EPS8L2: variants seen among roughly 807,000 people sequenced by gnomAD.
EPS8L2 encodes the protein epidermal growth factor receptor kinase substrate 8-like protein 2.
In EPS8L2, 81 loss-of-function variants were observed where a neutral mutation model predicts 99.4. The observed-to-expected ratio is 0.82, with a 90% CI of 0.68 to 0.98. The LOEUF (loss-of-function observed/expected upper bound fraction) is 0.98. Among genes scored for constraint, EPS8L2 ranks in the 50% least tolerant of loss-of-function variants. The pLI is 0.00. For missense variants in EPS8L2, 1,155 were observed against 968.8 expected, an observed-to-expected ratio of 1.19 and a Z score of -2.55; for synonymous variants, 509 against 407.3, an observed-to-expected ratio of 1.25 and a Z score of -3.01.
intron 20 of EPS8L2, 54 bp from the exon 21 acceptor site, chr11:726,847 G>A: frequency 6.3e-7 from 1 of 1,592,566 alleles, no homozygotes; most frequent in South Asian, 1.1e-5. Flanking sequence ...GGGGAGGCCG[G>A]CACCCAGACA....
intron 3 of EPS8L2, 129 bp from the exon 4 acceptor site, chr11:710,292 TG>T: frequency 1.2e-6 from 1 of 819,882 alleles, no homozygotes; most frequent in Non-Finnish European, 2.1e-6. Flanking sequence ...ACATCCTTCC[TG>T]GTGGCCAAGA....
Position 726,319 on chromosome 11 carries a change from T to G in EPS8L2, c.1769T>G (p.Met590Arg). The change falls in exon 19 of 21, where the codon ATG becomes AGG. Residue 590 changes from methionine to arginine, a missense_variant. Coordinates refer to ENST00000318562, the MANE Select transcript of EPS8L2 (RefSeq NM_022772.4). ...GCCCCCTCAGAGCTCATGCAGCACA[T>G]GGACGAGGTCAACGACGAGCTCATC... ...PGNKDELMQH[M>R]DEVNDELIRK... is the part of the protein sequence containing the mutation. 1.9e-6 allele frequency: 3 copies of G among 1,609,374 alleles called. No individual in the cohort carries two copies. The highest frequency in any genetic ancestry group is 2.5e-6 in the Non-Finnish European group (3 of 1,178,664).
rs573496202 is a variant in EPS8L2, at chr11:721,985, C to T, written c.978C>T (p.Asn326=). 17 of 1,606,176 alleles carry T rather than the reference C, an allele frequency of 1.1e-5. No homozygotes were observed. In the Admixed American group the frequency reaches 1.2e-4, roughly 11 times the overall value. Residue 326 remains asparagine, a synonymous_variant, in exon 11 of 21, where the codon AAC becomes AAT. Transcript: ENST00000318562. The part of the protein sequence containing the change: ...DCFQKIKLAI[N]LLAKLQKHIQ... The stretch of plus-strand genomic sequence containing the variant: ...TCCAGAAAATCAAGCTGGCGATTAA[C>T]TTGCTGGTGGGTCCGGTGGCCCCAG...
At chr11:715,618 G>GTTTTTTT (rs929222502) in intron 4 of EPS8L2, among the ~76,000 whole-genome samples, 1 of 120,038 alleles carries the variant, frequency 8.3e-6, no homozygotes. Flanking sequence ...TTTTTCTTTT[G>GTTTTTTT]TTTTTTTTTT....
At chr11:706,751 C>A (rs1220279625) in intron 1 of EPS8L2, 2 of 152,582 alleles carry the variant, frequency 1.3e-5, no homozygotes, top group Non-Finnish European at 2.9e-5. Flanking sequence ...GGAGGCACTT[C>A]CTGGGTGTCG....
In EPS8L2 at chr11:722,136, G is replaced by C. The variant is rs1435895025; in HGVS notation, c.1030G>C (p.Val344Leu). The change falls in exon 12 of 21, where the codon GTG becomes CTG. Residue 344 changes from valine (V) to leucine (L), a missense_variant. Val to Leu is a conservative substitution (Grantham distance 32). Transcript: ENST00000318562. ...HIQNPSAAEL[V>L]HFLFGPLDLI... Reference sequence around the variant, plus strand: ...CCAGAACCCCAGCGCCGCGGAGCTCGTGCACTTCCTCTTCGGGCCTCTGGA... The same window carrying C: ...CCAGAACCCCAGCGCCGCGGAGCTCCTGCACTTCCTCTTCGGGCCTCTGGA... 3.1e-6 allele frequency: 5 copies of C among 1,612,902 alleles called. No homozygotes were observed. The highest frequency in any genetic ancestry group is 1.1e-5 in the South Asian group (1 of 91,086).
chr11:721,250 G>A (rs1486201626), intron 8 of EPS8L2, 35 bp from the exon 9 acceptor site: 10 of 1,538,034 alleles, frequency 6.5e-6, no homozygotes, highest in African/African-American at 4.1e-5. Flanking sequence ...CTCGTTGTGG[G>A]GGGCTCGGTG....
intron 14 of EPS8L2, 33 bp downstream of exon 14, chr11:722,838 A>G (rs1264268448): frequency 5.7e-6 from 7 of 1,217,836 alleles, no homozygotes; most frequent in East Asian, 6.8e-5. Flanking sequence ...TCCCTACCCC[A>G]GCCCCAACAC....
At chr11:712,955 G>T (rs917170842) in intron 4 of EPS8L2, among the ~76,000 whole-genome samples, 14 of 152,240 alleles carry the variant, frequency 9.2e-5, no homozygotes, top group Admixed American at 9.2e-4. Flanking sequence ...GGAGGAGCCT[G>T]GGGCCTCTCA....
At chr11:711,269 C>T (rs11608206) in intron 4 of EPS8L2, among the ~76,000 whole-genome samples, 42,708 of 117,124 alleles carry the variant, frequency 0.36, 6,318 homozygotes, top group Admixed American at 0.44. Context: ...TGCGTGCGTG[C>T]GTGTGTGTGT....
rs753165091 is a variant in EPS8L2 at position 722,744 on chromosome 11, T to A, written c.1280T>A (p.Val427Glu). 6.2e-7 allele frequency: 1 copy of A among 1,605,872 alleles called. No individual in the cohort carries two copies. The highest frequency in any genetic ancestry group is 8.5e-7 in the Non-Finnish European group (1 of 1,177,148). The change falls in exon 14 of 21, where the codon GTG (valine) becomes GAG (glutamate). Residue 427 changes from valine to glutamate, a missense_variant. By Grantham distance (121) the Val-to-Glu change is moderately radical. Transcript: ENST00000318562. ...PKFHSGWEPPVDVLQEAPWEV... is the reference protein window; with the variant it reads ...PKFHSGWEPPEDVLQEAPWEV... ...TTCCACAGCGGCTGGGAGCCTCCTG[T>A]GGATGTGCTGCAGGAGGCCCCCTGG...
intron 1 of EPS8L2, among the ~76,000 whole-genome samples, chr11:707,975 G>A (rs1590044584): frequency 6.6e-6 from 1 of 152,264 alleles, no homozygotes; most frequent in Admixed American, 6.5e-5. Flanking sequence ...ATGGATGGAG[G>A]AAGTGGCCAT....
intron 4 of EPS8L2, among the ~76,000 whole-genome samples, chr11:717,406 G>A (rs1862049786): frequency 1.3e-5 from 2 of 152,238 alleles, no homozygotes; most frequent in South Asian, 2.1e-4. Flanking sequence ...CATTTTGCAC[G>A]TGTGCAGATT....
At position 720,120 on chromosome 11, in the gene EPS8L2, T is replaced by A; in HGVS notation, c.224T>A (p.Ile75Asn). The change falls in exon 5 of 21, where the codon ATC (isoleucine) becomes AAC (asparagine). Residue 75 changes from isoleucine to asparagine, a missense_variant. Ile to Asn is a moderately radical substitution (Grantham distance 149). Transcript: ENST00000318562. ...GCCATCACGTCTGTGGACGACGCCA[T>A]CCGGAAGCTGGTGCAGCTGAGCTCC... ...SEAITSVDDA[I>N]RKLVQLSSKE... 1 of 1,613,320 alleles carries A rather than the reference T, an allele frequency of 6.2e-7. No individual in the cohort carries two copies. Among genetic ancestry groups the A allele is most frequent in the Non-Finnish European group, 8.5e-7 (1 of 1,179,968 alleles).
At chr11:711,107 G>A (rs1861875835) in intron 4 of EPS8L2, among the ~76,000 whole-genome samples, 1 of 152,142 alleles carries the variant, frequency 6.6e-6, no homozygotes, top group Admixed American at 6.5e-5. Context: ...AGGGAGGCCC[G>A]GGCTGCTTCT....
chr11:717,388 C>T (rs544771160), intron 4 of EPS8L2, among the ~76,000 whole-genome samples: 7 of 152,292 alleles, frequency 4.6e-5, no homozygotes, highest in African/African-American at 4.8e-5. Context: ...AGCCTGGTAC[C>T]GATGCCACAT....
intron 4 of EPS8L2, among the ~76,000 whole-genome samples, chr11:713,111 G>A (rs1861932265): frequency 6.6e-6 from 1 of 152,262 alleles, no homozygotes; most frequent in African/African-American, 2.4e-5. Flanking sequence ...GGGGACCAGA[G>A]AGAGGGTGAG....
rs1476357592 is a variant in EPS8L2, at chr11:723,359, C to T, written c.1454+6C>T. On this transcript the variant is annotated splice_donor_region_variant and intron_variant, in intron 15 of 20. Coordinates refer to ENST00000318562, the MANE Select transcript of EPS8L2 (RefSeq NM_022772.4). The stretch of plus-strand genomic sequence containing the variant: ...AGCTCCCCACATACTCACAGGTAAG[C>T]CCCCCTCAAAGTGAGGGAGCATGAA... 3.7e-6 allele frequency: 5 copies of T among 1,349,432 alleles called. No homozygotes were observed. In the South Asian group the frequency reaches 5.3e-5, roughly 14 times the overall value. 83.6% of individuals were successfully genotyped at this position (1,349,432 alleles called of 1,614,324 possible). A position where few individuals can be genotyped will look rare whatever the true frequency, so the allele number is the denominator to read the frequency against.
In EPS8L2 at chr11:721,609, C is replaced by T. The variant is rs760820581; in HGVS notation, c.813C>T (p.Ala271=). The change falls in exon 10 of 21, where the codon GCC becomes GCT. Residue 271 remains alanine, a synonymous_variant. Transcript: ENST00000318562. ...CALDDIEWFV[A]RLQKAAEAFK... is the part of the protein sequence containing the mutation. The stretch of plus-strand genomic sequence containing the variant: ...TGGACGACATCGAGTGGTTTGTGGC[C>T]CGGCTGCAGAAGGCAGCCGAGGCTT... 210 of 1,573,804 alleles carry T rather than the reference C, an allele frequency of 1.3e-4. 1 individual carries two copies. The highest frequency in any genetic ancestry group is 1.5e-4 in the Non-Finnish European group (174 of 1,165,084).
Sources: gnomAD v4.1 joint callset for allele counts (sites outside exome capture counted in the v4.1 genomes callset) on GRCh38, gnomAD v4.1.1 for gene constraint, MANE v1.5 for transcripts, NCBI Gene and HGNC (gene_info 2026-07-23, HGNC 2026-07-21) for gene names.